Variants in SLC4A7 observed in about 807,000 individuals in gnomAD.
SLC4A7 encodes solute carrier family 4 member 7, also known as sodium bicarbonate cotransporter 3.
Under a neutral mutation model 137.6 loss-of-function variants are expected in SLC4A7, and 51 were observed. That is an observed-to-expected ratio of 0.37 (90% confidence interval 0.30 to 0.47). The LOEUF (loss-of-function observed/expected upper bound fraction) is 0.47, where lower values mean the gene tolerates loss of function less well. Ranked by LOEUF, SLC4A7 falls within the 20% of genes least tolerant of loss-of-function variation. SLC4A7 has a pLI of 1.00. For synonymous variants in SLC4A7, 542 were observed against 518.6 expected (o/e 1.05, Z -0.61); for missense variants, 1,247 against 1,525.4 (o/e 0.82, Z 3.04).
intron 4 of SLC4A7, 151 bp from the exon 5 acceptor site, chr3:27,436,699 G>T (rs943143053): frequency 3.8e-6 from 2 of 528,042 alleles, no homozygotes; most frequent in Admixed American, 7.1e-5. Flanking sequence ...TTAGGTTAAT[G>T]GTCTACAATA....
At chr3:27,428,108 T>C (rs1156771671) in intron 7 of SLC4A7, among the ~76,000 whole-genome samples, 1 of 152,238 alleles carries the variant, frequency 6.6e-6, no homozygotes, top group Non-Finnish European at 1.5e-5. Flanking sequence ...GTAAATCTTG[T>C]TAGTTCTTAA....
At chr3:27,461,967 A>C (rs1360083413) in intron 1 of SLC4A7, among the ~76,000 whole-genome samples, 2 of 152,154 alleles carry the variant, frequency 1.3e-5, no homozygotes, top group Non-Finnish European at 2.9e-5. Flanking sequence ...CTCAAAAAAA[A>C]GATGATGAAC....
chr3:27,407,478 C>CAA (rs11319544), intron 13 of SLC4A7, among the ~76,000 whole-genome samples: 3 of 116,914 alleles, frequency 2.6e-5, no homozygotes, highest in Non-Finnish European at 5.4e-5. Flanking sequence ...GACTCCGCCT[C>CAA]AAAAAAAAAA....
intron 1 of SLC4A7, among the ~76,000 whole-genome samples, chr3:27,464,107 C>T (rs1048875277): frequency 3.3e-5 from 5 of 151,626 alleles, no homozygotes; most frequent in African/African-American, 1.2e-4. Context: ...ACCCAGGAGG[C>T]GGAAGCTAGT....
chr3:27,411,137 ACTT>A (rs2053859139), intron 12 of SLC4A7, among the ~76,000 whole-genome samples: 1 of 152,188 alleles, frequency 6.6e-6, no homozygotes, highest in Non-Finnish European at 1.5e-5. Context: ...ACAAAAATTA[ACTT>A]CTTAAACAAT....
At chr3:27,468,615 A>T (rs1025180642) in intron 1 of SLC4A7, among the ~76,000 whole-genome samples, 1 of 152,082 alleles carries the variant, frequency 6.6e-6, no homozygotes, top group African/African-American at 2.4e-5. Context: ...TTCTAGATCT[A>T]GTAAGATTGT....
At chr3:27,390,484 C>T (rs771612596) in intron 21 of SLC4A7, among the ~76,000 whole-genome samples, 5 of 152,148 alleles carry the variant, frequency 3.3e-5, no homozygotes, top group Admixed American at 6.5e-5. Flanking sequence ...TAAGGTTCTT[C>T]ACAAATTTAA....
At chr3:27,446,883 TTG>T (rs1491017568) in intron 3 of SLC4A7, among the ~76,000 whole-genome samples, 14 of 122,380 alleles carry the variant, frequency 1.1e-4, no homozygotes, top group African/African-American at 4.2e-4. Context: ...TTGTTTTTTT[TTG>T]TTTTTTTTGT....
Position 27,383,170 on chromosome 3 carries a change from G to C in SLC4A7, c.3573C>G (p.Val1191=), listed in dbSNP as rs760236064. 5 of 1,610,504 alleles carry C rather than the reference G, an allele frequency of 3.1e-6. No homozygotes were observed. Among genetic ancestry groups the C allele is most frequent in the Non-Finnish European group, 4.2e-6 (5 of 1,176,990 alleles). The stretch of plus-strand genomic sequence containing the variant: ...TATCTCACCTATATTTTAGGGCCTT[G>C]ACTGGAATTTGCAAGAGACTTCCCC... ...FEGGSLLQIP[V]KALKYSVDPS... The change falls in exon 24 of 26, where the codon GTC becomes GTG. Residue 1191 remains valine (V), a synonymous_variant. Transcript: ENST00000454389.
At chr3:27,437,688 A>AG (rs140455613) in intron 3 of SLC4A7, among the ~76,000 whole-genome samples, 162 bp from the exon 4 acceptor site, 17 of 152,288 alleles carry the variant, frequency 1.1e-4, no homozygotes, top group Non-Finnish European at 2.1e-4. Context: ...AAAGGAAACA[A>AG]GAACCAACAA....
At chr3:27,458,192 T>A (rs1282842699) in intron 1 of SLC4A7, among the ~76,000 whole-genome samples, 1 of 152,232 alleles carries the variant, frequency 6.6e-6, no homozygotes, top group African/African-American at 2.4e-5. Context: ...TAACTAGTTT[T>A]TACTGCTTCA....
At chr3:27,400,628 C>G (rs958380777) in intron 16 of SLC4A7, 136 bp downstream of exon 16, 2 of 576,276 alleles carry the variant, frequency 3.5e-6, no homozygotes, top group African/African-American at 3.8e-5. Flanking sequence ...CAACTGCTAT[C>G]TGGTCAAAAT....
At position 27,472,273 on chromosome 3, in the gene SLC4A7, T is replaced by A. The variant is rs372939836; in HGVS notation, c.60+11794A>T. On this transcript the variant is annotated intron_variant, in intron 1 of 25. Coordinates refer to ENST00000454389, the MANE Select transcript of SLC4A7 (RefSeq NM_001321103.2). ...ATGAGCTTAAGTCAGTGACAAGATA[T>A]TAAATTTTAAAATGTCTTTTTAAAT... Among the ~76,000 whole-genome samples the A allele has an allele frequency of 1.2e-4, 19 of 152,216 alleles. 2 individuals carry two copies. Among genetic ancestry groups the A allele is most frequent in the East Asian group, 9.6e-4 (5 of 5,200 alleles).
Position 27,373,229 on chromosome 3 carries a change from CT to C in SLC4A7, c.*3534del, listed in dbSNP as rs2049680863. 1 of 151,974 alleles carries C rather than the reference CT, an allele frequency of 6.6e-6. No individual in the cohort carries two copies. The highest frequency in any genetic ancestry group is 2.4e-5 in the African/African-American group (1 of 41,400). 9.4% of individuals were successfully genotyped at this position (151,974 alleles called of 1,614,324 possible). ...AATTAAATTTCATTTTAAAAATGATCTTTGGATGATTACATTTCCAACTATG... is the reference window on the plus strand; with the variant it reads ...AATTAAATTTCATTTTAAAAATGATCTTGGATGATTACATTTCCAACTATG... On this transcript the variant is annotated 3_prime_UTR_variant, in exon 26 of 26. Coordinates refer to ENST00000454389, the MANE Select transcript of SLC4A7 (RefSeq NM_001321103.2).
intron 24 of SLC4A7, among the ~76,000 whole-genome samples, chr3:27,381,475 T>C (rs1370808815): frequency 6.6e-6 from 1 of 152,182 alleles, no homozygotes; most frequent in African/African-American, 2.4e-5. Flanking sequence ...ATATTAAATA[T>C]CCATATTAAA....
At chr3:27,419,114 C>T (rs575399356) in intron 10 of SLC4A7, among the ~76,000 whole-genome samples, 4 of 151,972 alleles carry the variant, frequency 2.6e-5, no homozygotes, top group African/African-American at 4.8e-5. Flanking sequence ...AGGCAAGGTC[C>T]CTATACTCAA....
At chr3:27,390,129 A>G (rs1402859302) in intron 21 of SLC4A7, 25 bp from the exon 22 acceptor site, 3 of 1,395,014 alleles carry the variant, frequency 2.2e-6, no homozygotes, top group East Asian at 2.3e-5. Context: ...AAAAACAAAG[A>G]AGTTTTCAAT....
At chr3:27,448,887 G>C in intron 2 of SLC4A7, 90 bp from the exon 3 acceptor site, 1 of 859,738 alleles carries the variant, frequency 1.2e-6, no homozygotes, top group South Asian at 2.3e-5. Context: ...CTCTGATAAA[G>C]AATATAAGTT....
chr3:27,470,088 T>C (rs970650689), intron 1 of SLC4A7, among the ~76,000 whole-genome samples: 3 of 152,236 alleles, frequency 2.0e-5, no homozygotes, highest in Non-Finnish European at 4.4e-5. Flanking sequence ...AATCTAGTAA[T>C]TGGCTCAATT....
Sources: allele counts gnomAD v4.1 joint callset (sites outside exome capture counted in the v4.1 genomes callset), GRCh38; gene constraint gnomAD v4.1.1; transcripts MANE v1.5; gene names NCBI Gene and HGNC (gene_info 2026-07-23, HGNC 2026-07-21).